The following RHBDD1 variants were observed in gnomAD, a reference collection of about 807,000 sequenced individuals.
RHBDD1 encodes the protein rhomboid domain containing 1.
Under a neutral mutation model 36.3 loss-of-function variants are expected in RHBDD1, and 38 were observed. That is an observed-to-expected ratio of 1.05 (90% confidence interval 0.81 to 1.37). The LOEUF is 1.37. Ranked by LOEUF, RHBDD1 falls within the 40% of genes most tolerant of loss-of-function variation. The pLI, the probability that RHBDD1 is intolerant of heterozygous loss-of-function variation, is 0.00. For missense variants in RHBDD1, 393 were observed against 377.6 expected (o/e 1.04, Z -0.34); for synonymous variants, 151 against 136.5 (o/e 1.11, Z -0.74).
chr2:226,850,496 A>C (rs1942703023), intron 3 of RHBDD1, among the ~76,000 whole-genome samples: 1 of 152,058 alleles, frequency 6.6e-6, no homozygotes, highest in Admixed American at 6.6e-5. Context: ...GAATGACCCC[A>C]GTTAATCTGG....
At chr2:226,845,376 A>G (rs1942107995) in intron 3 of RHBDD1, among the ~76,000 whole-genome samples, 1 of 152,234 alleles carries the variant, frequency 6.6e-6, no homozygotes, top group African/African-American at 2.4e-5. Context: ...AAACCAAATG[A>G]GCCTATGTTA....
At chr2:226,859,350 A>C (rs1475079453) in intron 3 of RHBDD1, among the ~76,000 whole-genome samples, 14 of 152,198 alleles carry the variant, frequency 9.2e-5, no homozygotes, top group Non-Finnish European at 1.3e-4. Flanking sequence ...AACTATTTGC[A>C]TAGCATTTAC....
chr2:226,892,568 C>T lies in RHBDD1; in HGVS notation c.567-14225C>T, dbSNP rs191096467. Among the ~76,000 whole-genome samples the T allele has an allele frequency of 9.8e-4, 149 of 152,284 alleles. 1 individual carries two copies. Among genetic ancestry groups the T allele is most frequent in the African/African-American group, 3.5e-3 (144 of 41,562 alleles). On this transcript the variant is annotated intron_variant, in intron 5 of 8. Transcript: ENST00000392062. ...AAATAAGTTCATGTTTCCTTGCATG[C>T]ATTTTCAAAGCTATACTTAATTCTT...
At chr2:226,844,275 TGCCCCCC>T (rs1360887386) in intron 3 of RHBDD1, among the ~76,000 whole-genome samples, 2 of 152,152 alleles carry the variant, frequency 1.3e-5, no homozygotes, top group African/African-American at 2.4e-5. Context: ...GATTGATAGC[TGCCCCCC>T]GCCCCCCGGC....
At chr2:226,893,912 G>A (rs1307585900) in intron 5 of RHBDD1, among the ~76,000 whole-genome samples, 1 of 152,162 alleles carries the variant, frequency 6.6e-6, no homozygotes, top group African/African-American at 2.4e-5. Context: ...CCTGTTTGTG[G>A]TTATCTGAGC....
At chr2:226,891,826 G>A (rs1946713456) in intron 5 of RHBDD1, among the ~76,000 whole-genome samples, 4 of 152,224 alleles carry the variant, frequency 2.6e-5, no homozygotes, top group Admixed American at 2.6e-4. Flanking sequence ...TGGGCTGGAA[G>A]AACCTGTAAG....
At chr2:226,908,616 C>CAT (rs1477967609) in intron 6 of RHBDD1, 2 of 569,742 alleles carry the variant, frequency 3.5e-6, no homozygotes, top group African/African-American at 4.1e-5. Context: ...CACACACACA[C>CAT]ACACATTCTT....
intron 5 of RHBDD1, among the ~76,000 whole-genome samples, chr2:226,905,971 A>AC (rs59010413): frequency 1.2e-3 from 182 of 150,584 alleles, no homozygotes; most frequent in East Asian, 5.9e-3. Flanking sequence ...GTTGTGTAGG[A>AC]CCCCCCCCTT....
intron 5 of RHBDD1, among the ~76,000 whole-genome samples, chr2:226,877,339 G>A (rs1945322085): frequency 6.6e-6 from 1 of 152,118 alleles, no homozygotes. Context: ...TAATTATACA[G>A]TATCAAAGTA....
At chr2:226,981,559 T>C (rs1042185160) in intron 8 of RHBDD1, among the ~76,000 whole-genome samples, 2 of 102,830 alleles carry the variant, frequency 1.9e-5, no homozygotes, top group African/African-American at 1.2e-4. Context: ...CTCATCCACA[T>C]GCACACACAT....
chr2:226,820,474 C>T, the RHBDD1 span, among the ~76,000 whole-genome samples: 1 of 151,992 alleles, frequency 6.6e-6, no homozygotes, highest in Non-Finnish European at 1.5e-5. Context: ...CAGGTAAACA[C>T]TCCAAAGAAT....
chr2:226,927,016 A>C (rs1165806187), intron 8 of RHBDD1, among the ~76,000 whole-genome samples: 1 of 152,146 alleles, frequency 6.6e-6, no homozygotes, highest in African/African-American at 2.4e-5. Context: ...GAGCTTTGAC[A>C]GAAGTATAGA....
At chr2:226,856,755 G>C (rs1943369498) in intron 3 of RHBDD1, among the ~76,000 whole-genome samples, 1 of 152,162 alleles carries the variant, frequency 6.6e-6, no homozygotes, top group African/African-American at 2.4e-5. Flanking sequence ...CTAATTTGCT[G>C]TCTAGCTCTT....
At chr2:226,889,323 A>T (rs1001876592) in intron 5 of RHBDD1, among the ~76,000 whole-genome samples, 2 of 152,128 alleles carry the variant, frequency 1.3e-5, no homozygotes, top group Non-Finnish European at 2.9e-5. Flanking sequence ...CTCTTCAGAG[A>T]TCTTTATTTT....
Position 226,864,727 on chromosome 2 carries a change from C to CT in RHBDD1, c.36dup (p.Ile13TyrfsTer39). ...GAGATCAAGAGGGATAAATACTGGACTTATTCTACTCCTTTCTCAAATCTT... is the reference window on the plus strand; with the variant it reads ...GAGATCAAGAGGGATAAATACTGGACTTTATTCTACTCCTTTCTCAAATCTT... On this transcript the variant is annotated frameshift_variant, in exon 4 of 9. Coordinates refer to ENST00000392062, the MANE Select transcript of RHBDD1 (RefSeq NM_001167608.3). LOFTEE classifies it high-confidence loss of function. The CT allele has an allele frequency of 6.2e-7, 1 of 1,614,124 alleles. No individual in the cohort carries two copies.
At position 226,951,763 on chromosome 2, in the gene RHBDD1, T is replaced by C. The variant is rs550597078; in HGVS notation, c.856+37412T>C. Among the ~76,000 whole-genome samples, 9 of 152,348 alleles carry C rather than the reference T, an allele frequency of 5.9e-5. No individual in the cohort carries two copies. The South Asian group carries it at 1.7e-3, about 28-fold the overall frequency. On this transcript the variant is annotated intron_variant, in intron 8 of 8. Coordinates refer to ENST00000392062, the MANE Select transcript of RHBDD1 (RefSeq NM_001167608.3). ...GAACTTTTATGTAAGATACAGCTCATGTCAAGAACTAAATATATTCATAGT... is the reference window on the plus strand; with the variant it reads ...GAACTTTTATGTAAGATACAGCTCACGTCAAGAACTAAATATATTCATAGT...
At chr2:226,871,865 A>C (rs1023454837) in intron 5 of RHBDD1, among the ~76,000 whole-genome samples, 1 of 152,226 alleles carries the variant, frequency 6.6e-6, no homozygotes, top group Admixed American at 6.5e-5. Context: ...AAGTTTAATT[A>C]CTTGGTTAAG....
At chr2:226,901,971 G>A (rs879556366) in intron 5 of RHBDD1, among the ~76,000 whole-genome samples, 12 of 152,106 alleles carry the variant, frequency 7.9e-5, no homozygotes, top group Non-Finnish European at 1.2e-4. Context: ...GTGTCAGGCC[G>A]TTTACTGTAG....
At chr2:226,840,596 T>C (rs1574734321) in intron 3 of RHBDD1, among the ~76,000 whole-genome samples, 1 of 152,330 alleles carries the variant, frequency 6.6e-6, no homozygotes, top group East Asian at 1.9e-4. Flanking sequence ...AGCTCTACAG[T>C]ACTGGTTGTA....
Sources: allele counts gnomAD v4.1 joint callset (sites outside exome capture counted in the v4.1 genomes callset), GRCh38; gene constraint gnomAD v4.1.1; transcripts MANE v1.5; gene names NCBI Gene and HGNC (gene_info 2026-07-23, HGNC 2026-07-21).